The following EEPD1 variants were observed in gnomAD, a reference collection of about 807,000 sequenced individuals.
EEPD1 encodes endonuclease/exonuclease/phosphatase family domain containing 1, also known as endonuclease/exonuclease/phosphatase family domain-containing protein 1.
Under a neutral mutation model 46.3 loss-of-function variants are expected in EEPD1, and 17 were observed. The observed-to-expected ratio is 0.37, with a 90% CI of 0.25 to 0.55. The LOEUF (loss-of-function observed/expected upper bound fraction) is 0.55, where lower values mean the gene tolerates loss of function less well. Among genes scored for constraint, EEPD1 ranks in the 20% least tolerant of loss-of-function variants. The pLI is 0.83. For synonymous variants in EEPD1, 313 were observed against 315.6 expected (o/e 0.99, Z 0.09); for missense variants, 673 against 745.6 (o/e 0.90, Z 1.13).
At chr7:36,234,433 A>T (rs1786391852) in intron 2 of EEPD1, among the ~76,000 whole-genome samples, 1 of 152,116 alleles carries the variant, frequency 6.6e-6, no homozygotes, top group South Asian at 2.1e-4. Context: ...GTACTGTGGG[A>T]AGCTGAGGGA....
At chr7:36,233,130 G>C (rs1786368457) in intron 2 of EEPD1, among the ~76,000 whole-genome samples, 2 of 152,172 alleles carry the variant, frequency 1.3e-5, no homozygotes, top group African/African-American at 2.4e-5. Context: ...TCTGAAATTT[G>C]AGCTACAACT....
chr7:36,154,548 A>G lies in EEPD1; in HGVS notation c.224A>G (p.Lys75Arg), dbSNP rs368265200. The change falls in exon 2 of 8, where the codon AAG becomes AGG. Residue 75 changes from lysine to arginine, a missense_variant. Transcript: ENST00000242108. This position sits in a 1 kb window ranked among gnomAD's most constrained non-coding sequence, Gnocchi z 4.2. ...VEYREYIGGF[K>R]KVEDLALVSG... ...TACCGAGAGTATATCGGTGGCTTCA[A>G]GAAGGTGGAGGACCTGGCATTGGTC... 2 of 1,614,134 alleles carry G rather than the reference A, an allele frequency of 1.2e-6. No individual in the cohort carries two copies. The highest frequency in any genetic ancestry group is 8.5e-7 in the Non-Finnish European group (1 of 1,180,008).
chr7:36,182,988 TAGCTCTGGGGTCAGGTGAGCAGGGCCA>T lies in EEPD1; in HGVS notation c.878+27787_878+27813del, dbSNP rs527695702. Among the ~76,000 whole-genome samples the T allele has an allele frequency of 2.2e-3, 329 of 152,302 alleles. 2 individuals carry two copies. Among genetic ancestry groups the T allele is most frequent in the African/African-American group, 7.3e-3 (305 of 41,558 alleles). On this transcript the variant is annotated intron_variant, in intron 2 of 7. Coordinates refer to ENST00000242108, the MANE Select transcript of EEPD1 (RefSeq NM_030636.3). ...GAAAGCAGTAGCCATGCACACCCTG[TAGCTCTGGGGTCAGGTGAGCAGGGCCA>T]GCCTGGGTGTCAGGGCAGCTCAGGC... is the stretch of plus-strand genomic sequence containing the variant.
chr7:36,196,537 C>G (rs1290517104), intron 2 of EEPD1, among the ~76,000 whole-genome samples: 1 of 152,232 alleles, frequency 6.6e-6, no homozygotes, highest in Admixed American at 6.5e-5. Flanking sequence ...TCAGCCTGCC[C>G]AGTGCCTGCG....
chr7:36,259,624 C>T, intron 3 of EEPD1, among the ~76,000 whole-genome samples: 1 of 152,130 alleles, frequency 6.6e-6, no homozygotes, highest in East Asian at 1.9e-4. Flanking sequence ...ATTCTCCCAC[C>T]TCAGCCTCCC....
rs576227360 is a variant in EEPD1, at chr7:36,268,068, CTG to C, written c.931-13044_931-13043del. On this transcript the variant is annotated intron_variant, in intron 3 of 7. Coordinates refer to ENST00000242108, the MANE Select transcript of EEPD1 (RefSeq NM_030636.3). ...ATATTTGTTTTTTGAGCCACCCAGT[CTG>C]TGGTATTCCTTGAAGCAGCCCTGAA... Among the ~76,000 whole-genome samples the C allele has an allele frequency of 4.6e-5, 7 of 152,278 alleles. No individual in the cohort carries two copies. The South Asian group carries it at 8.3e-4, about 18-fold the overall frequency.
intron 6 of EEPD1, among the ~76,000 whole-genome samples, chr7:36,291,508 A>G (rs1787431462): frequency 6.6e-6 from 1 of 152,214 alleles, no homozygotes; most frequent in East Asian, 1.9e-4. Context: ...CTATCGAGGA[A>G]GTGGTCAGCA....
At chr7:36,292,610 C>A (rs1360463209) in intron 6 of EEPD1, among the ~76,000 whole-genome samples, 2 of 152,156 alleles carry the variant, frequency 1.3e-5, no homozygotes, top group South Asian at 4.2e-4. Context: ...CGGGTTCAAG[C>A]GATTCTCCTG....
At chr7:36,232,113 A>G (rs1364900581) in intron 2 of EEPD1, among the ~76,000 whole-genome samples, 1 of 150,712 alleles carries the variant, frequency 6.6e-6, no homozygotes, top group South Asian at 2.1e-4. Context: ...AACTGTGTAG[A>G]TCTGAGTGTC....
At chr7:36,294,870 G>A (rs950865271) in intron 6 of EEPD1, among the ~76,000 whole-genome samples, 13 of 152,072 alleles carry the variant, frequency 8.5e-5, no homozygotes, top group African/African-American at 3.1e-4. Context: ...GCTGATGCGA[G>A]GACTGAGAAA....
At position 36,237,613 on chromosome 7, in the gene EEPD1, A is replaced by G. The variant is rs77052623; in HGVS notation, c.879-1372A>G. On this transcript the variant is annotated intron_variant, in intron 2 of 7. Transcript: ENST00000242108. ...GCAAAAAAGAATTTGGGGCAAGTCT[A>G]TAAAGTGAAAGCAAGTTTATTGGTA... Among the ~76,000 whole-genome samples the G allele has an allele frequency of 7.2e-3, 1,090 of 152,330 alleles. 18 individuals are homozygous for G. The highest frequency in any genetic ancestry group is 0.025 in the African/African-American group (1,040 of 41,580).
Position 36,246,433 on chromosome 7 carries a change from G to A in EEPD1, c.930+7397G>A, listed in dbSNP as rs1477230558. Reference sequence around the variant, plus strand: ...TATTGTTATGAGAACTAAGTGAGATGTGTGAAATAAAAGCCGTTATGTATA... The same window carrying A: ...TATTGTTATGAGAACTAAGTGAGATATGTGAAATAAAAGCCGTTATGTATA... On this transcript the variant is annotated intron_variant, in intron 3 of 7. Coordinates refer to ENST00000242108, the MANE Select transcript of EEPD1 (RefSeq NM_030636.3). Among the ~76,000 whole-genome samples the A allele has an allele frequency of 3.9e-5, 6 of 152,328 alleles. 1 individual carries two copies. In the East Asian group the frequency reaches 7.7e-4, roughly 20 times the overall value.
At chr7:36,219,993 G>A (rs1459122359) in intron 2 of EEPD1, among the ~76,000 whole-genome samples, 4 of 152,100 alleles carry the variant, frequency 2.6e-5, no homozygotes, top group Non-Finnish European at 4.4e-5. Flanking sequence ...AGCAGGTTGC[G>A]GGAAGAAGAG....
At chr7:36,221,143 A>AT (rs1423201616) in intron 2 of EEPD1, among the ~76,000 whole-genome samples, 1 of 152,202 alleles carries the variant, frequency 6.6e-6, no homozygotes, top group Admixed American at 6.5e-5. Context: ...CAAGGTAGTA[A>AT]TTTTTCTCAG....
chr7:36,270,456 T>C (rs28469221), intron 3 of EEPD1, among the ~76,000 whole-genome samples: 14,805 of 152,154 alleles, frequency 0.097, 837 homozygotes, highest in East Asian at 0.22. Flanking sequence ...TATCCCTCCC[T>C]AGCCCCCAAC....
intron 3 of EEPD1, among the ~76,000 whole-genome samples, chr7:36,252,177 G>A (rs925649105): frequency 3.3e-5 from 5 of 152,176 alleles, no homozygotes; most frequent in African/African-American, 7.2e-5. Flanking sequence ...ATATCCATGC[G>A]GATTACAGAC....
chr7:36,258,380 A>C (rs1786860115), intron 3 of EEPD1, among the ~76,000 whole-genome samples: 1 of 152,212 alleles, frequency 6.6e-6, no homozygotes, highest in Non-Finnish European at 1.5e-5. Context: ...TGCTCTCTTA[A>C]GAGCTGGCAG....
At chr7:36,272,085 G>C (rs2115851998) in intron 3 of EEPD1, among the ~76,000 whole-genome samples, 1 of 151,866 alleles carries the variant, frequency 6.6e-6, no homozygotes, top group East Asian at 1.9e-4. Flanking sequence ...GTTTCACCAT[G>C]TTGGCCAGGC....
intron 3 of EEPD1, among the ~76,000 whole-genome samples, chr7:36,253,220 G>A (rs957157980): frequency 3.3e-5 from 5 of 152,094 alleles, no homozygotes; most frequent in Non-Finnish European, 7.4e-5. Context: ...TTATTTACAA[G>A]TGTATTATTT....
Sources: gnomAD v4.1 joint callset for allele counts (sites outside exome capture counted in the v4.1 genomes callset) on GRCh38, gnomAD v4.1.1 for gene constraint, Gnocchi (gnomAD v3.1) non-coding constraint, MANE v1.5 for transcripts, NCBI Gene and HGNC (gene_info 2026-07-23, HGNC 2026-07-21) for gene names.